The following NAPB variants were observed in gnomAD, a reference collection of about 807,000 sequenced individuals.
NAPB encodes the protein NSF attachment protein beta.
In NAPB, 26 loss-of-function variants were observed where a neutral mutation model predicts 44.7. The ratio of observed to expected loss-of-function variants is 0.58; its 90% CI spans 0.43 to 0.81. The LOEUF (loss-of-function observed/expected upper bound fraction) is 0.81. Among genes scored for constraint, NAPB ranks in the 30% least tolerant of loss-of-function variants. The pLI is 0.00. For missense variants in NAPB, 315 were observed against 356.4 expected (o/e 0.88, Z 0.94); for synonymous variants, 120 against 116.8 (o/e 1.03, Z -0.18).
At chr20:23,414,971 CTTAA>C (rs11469417) in intron 1 of NAPB, among the ~76,000 whole-genome samples, 44,951 of 151,520 alleles carry the variant, frequency 0.3, 6,642 homozygotes, top group Middle Eastern at 0.37. Context: ...TTTTGATTAG[CTTAA>C]TTATTCAGCA....
At chr20:23,397,268 A>C in intron 2 of NAPB, 80 bp from the exon 3 acceptor site, 1 of 1,455,062 alleles carries the variant, frequency 6.9e-7, no homozygotes, top group East Asian at 2.5e-5. Context: ...GGACCTCCCT[A>C]GAAAAATTAT....
chr20:23,403,218 A>G (rs1984979301), intron 1 of NAPB, 146 bp from the exon 2 acceptor site: 8 of 635,552 alleles, frequency 1.3e-5, no homozygotes, highest in Non-Finnish European at 1.6e-5. Flanking sequence ...AGATACTCTT[A>G]CTATACCTGT....
chr20:23,397,366 A>C (rs1600580308), intron 2 of NAPB, among the ~76,000 whole-genome samples, 178 bp from the exon 3 acceptor site: 1 of 152,214 alleles, frequency 6.6e-6, no homozygotes, highest in East Asian at 1.9e-4. Flanking sequence ...ACCAGAATCA[A>C]GTCAAACAGC....
chr20:23,388,492 A>G (rs1355619161), intron 7 of NAPB, among the ~76,000 whole-genome samples: 1 of 152,220 alleles, frequency 6.6e-6, no homozygotes, highest in Admixed American at 6.5e-5. Context: ...GAGGACTCAC[A>G]CTTACTGACT....
chr20:23,390,546 C>T (rs1983867913), intron 5 of NAPB, among the ~76,000 whole-genome samples: 1 of 152,216 alleles, frequency 6.6e-6, no homozygotes, highest in South Asian at 2.1e-4. Flanking sequence ...TAGTTCTCTC[C>T]AGTGGAATGT....
intron 9 of NAPB, 51 bp downstream of exon 9, chr20:23,379,816 G>T: frequency 7.3e-7 from 1 of 1,361,224 alleles, no homozygotes; most frequent in Non-Finnish European, 1.0e-6. Context: ...CTTAGGTGTT[G>T]TCACCTAACA....
At chr20:23,377,514 T>C in intron 10 of NAPB, 28 bp from the exon 11 acceptor site, 1 of 1,484,100 alleles carries the variant, frequency 6.7e-7, no homozygotes, top group Admixed American at 1.8e-5. Context: ...GAACAGGAAT[T>C]ACCCCATGTA....
intron 7 of NAPB, 62 bp downstream of exon 7, chr20:23,389,884 A>G: frequency 3.5e-6 from 5 of 1,442,206 alleles, no homozygotes; most frequent in Non-Finnish European, 4.8e-6. Context: ...AGAAAAATAA[A>G]AAGTTTAATT....
chr20:23,413,374 T>A (rs1327025228), intron 1 of NAPB, among the ~76,000 whole-genome samples: 1 of 151,924 alleles, frequency 6.6e-6, no homozygotes, highest in Non-Finnish European at 1.5e-5. Context: ...AAAATACAAC[T>A]GAAGCAGTTT....
chr20:23,394,855 A>G (rs1406556190), intron 5 of NAPB, 67 bp downstream of exon 5: 2 of 1,465,150 alleles, frequency 1.4e-6, no homozygotes, highest in East Asian at 4.5e-5. Context: ...CAGACTGAGG[A>G]GAGGAGAGTT....
chr20:23,399,053 A>G (rs567088179), intron 2 of NAPB, among the ~76,000 whole-genome samples: 2 of 151,974 alleles, frequency 1.3e-5, no homozygotes, highest in East Asian at 3.9e-4. Context: ...CCCCAGAGGA[A>G]ATGCACAGTT....
chr20:23,386,666 G>A (rs1182197946), intron 7 of NAPB, among the ~76,000 whole-genome samples: 1 of 152,182 alleles, frequency 6.6e-6, no homozygotes, highest in East Asian at 1.9e-4. Context: ...TCCTTGGTTG[G>A]CAGCAGTCTA....
At chr20:23,393,210 T>A (rs775952981) in intron 5 of NAPB, among the ~76,000 whole-genome samples, 1 of 152,050 alleles carries the variant, frequency 6.6e-6, no homozygotes, top group Non-Finnish European at 1.5e-5. Context: ...GATCCACAGA[T>A]AACCTTCCAA....
chr20:23,375,590 A>G lies in NAPB; in HGVS notation c.*1786T>C, dbSNP rs1344920806. On this transcript the variant is annotated 3_prime_UTR_variant, in exon 11 of 11. Coordinates refer to ENST00000377026, the MANE Select transcript of NAPB (RefSeq NM_022080.3). The stretch of plus-strand genomic sequence containing the variant: ...TCTAAGAGGGAGTGAAAAAGTACCA[A>G]CTGGACTCCATTCCAGGTCTTACCT... 3.3e-5 allele frequency: 5 copies of G among 152,188 alleles called. No individual in the cohort carries two copies. Among genetic ancestry groups the G allele is most frequent in the African/African-American group, 1.2e-4 (5 of 41,452 alleles). The allele number at this position is 152,188 out of a possible 1,614,324, so 9.4% of individuals were successfully genotyped here. A position where few individuals can be genotyped will look rare whatever the true frequency, so the allele number is the denominator to read the frequency against.
At chr20:23,386,499 C>T (rs1161984597) in intron 7 of NAPB, among the ~76,000 whole-genome samples, 1 of 152,190 alleles carries the variant, frequency 6.6e-6, no homozygotes, top group African/African-American at 2.4e-5. Flanking sequence ...AGAAAACTAA[C>T]GATCAATATC....
At position 23,389,998 on chromosome 20, in the gene NAPB, G is replaced by A. The variant is rs1983832465; in HGVS notation, c.509C>T (p.Ala170Val). ...GTACTGCTCAAGCTGGGCAGCATAT[G>A]CTGCCACCTTCAGCAGACACTTGTT... is the stretch of plus-strand genomic sequence containing the variant. The part of the protein sequence containing the change: ...SANKCLLKVA[A>V]YAAQLEQYQK... Residue 170 changes from alanine to valine, a missense_variant, in exon 7 of 11, where the codon GCA (alanine) becomes GTA (valine). Physicochemically the swap from Ala to Val is moderately conservative, Grantham distance 64. Around this residue, in one of 3 missense-constraint regions of NAPB, gnomAD observed 16 missense variants for 43.4 expected, o/e 0.37. Coordinates refer to ENST00000377026, the MANE Select transcript of NAPB (RefSeq NM_022080.3). The A allele has an allele frequency of 6.2e-7, 1 of 1,614,066 alleles. No individual in the cohort carries two copies. The highest frequency in any genetic ancestry group is 1.7e-5 in the Admixed American group (1 of 60,008).
chr20:23,387,859 C>T (rs1983644983), intron 7 of NAPB, among the ~76,000 whole-genome samples: 1 of 152,046 alleles, frequency 6.6e-6, no homozygotes, highest in Non-Finnish European at 1.5e-5. Flanking sequence ...CTACAGGGTG[C>T]CCAGATATTT....
intron 7 of NAPB, among the ~76,000 whole-genome samples, chr20:23,386,074 C>T (rs1266209976): frequency 2.6e-5 from 4 of 152,060 alleles, no homozygotes; most frequent in African/African-American, 9.7e-5. Flanking sequence ...CTAAATAATC[C>T]ATGGGTCACT....
chr20:23,411,494 A>C (rs1406449855), intron 1 of NAPB, among the ~76,000 whole-genome samples: 2 of 152,204 alleles, frequency 1.3e-5, no homozygotes, highest in Non-Finnish European at 2.9e-5. Flanking sequence ...CCCAAGGGAT[A>C]ACTAAGAGAT....
Sources: gnomAD v4.1 joint callset for allele counts (sites outside exome capture counted in the v4.1 genomes callset) on GRCh38, gnomAD v4.1.1 for gene constraint, gnomAD v4.1.1 regional missense constraint, MANE v1.5 for transcripts, NCBI Gene and HGNC (gene_info 2026-07-23, HGNC 2026-07-21) for gene names.